Variants in SFRP2 observed in about 807,000 individuals in gnomAD.
SFRP2 encodes the protein secreted frizzled-related protein 2.
Under a neutral mutation model 26.0 loss-of-function variants are expected in SFRP2, and 16 were observed. The ratio of observed to expected loss-of-function variants is 0.61; its 90% CI spans 0.42 to 0.93. SFRP2 has a LOEUF of 0.93. Among genes scored for constraint, SFRP2 ranks in the 40% least tolerant of loss-of-function variants. The pLI, the probability that SFRP2 is intolerant of heterozygous loss-of-function variation, is 0.00. For synonymous variants in SFRP2, 173 were observed against 167.3 expected (o/e 1.03, Z -0.26); for missense variants, 343 against 392.4 (o/e 0.87, Z 1.06).
chr4:153,782,181 C>T (rs1262515212), intron 2 of SFRP2, among the ~76,000 whole-genome samples: 1 of 152,190 alleles, frequency 6.6e-6, no homozygotes, highest in Admixed American at 6.5e-5. Flanking sequence ...AAAGTTTAAA[C>T]TCAATTTATT....
Position 153,788,846 on chromosome 4 carries a change from C to A in SFRP2, c.-11G>T. On this transcript the variant is annotated 5_prime_UTR_variant, in exon 1 of 3. Coordinates refer to ENST00000274063, the MANE Select transcript of SFRP2 (RefSeq NM_003013.3). Reference sequence around the variant, plus strand: ...AGGGCCCTGCAGCATCGTGGGCGCGCGACCCCGAGGGGGCAGAGGGAGCGG... The same window carrying A: ...AGGGCCCTGCAGCATCGTGGGCGCGAGACCCCGAGGGGGCAGAGGGAGCGG... 1.3e-6 allele frequency: 2 copies of A among 1,574,392 alleles called. No homozygotes were observed. Among genetic ancestry groups the A allele is most frequent in the African/African-American group, 1.3e-5 (1 of 74,322 alleles).
rs753164723 is a variant in SFRP2 at position 153,788,640 on chromosome 4, G to A, written c.196C>T (p.His66Tyr). Reference protein sequence around the residue: ...QNMRLPNLLGHETMKEVLEQA... With the variant: ...QNMRLPNLLGYETMKEVLEQA... ...TCCAGCACCTCCTTCATGGTCTCGT[G>A]GCCCAGCAGGTTGGGCAGCCGCATG... Residue 66 changes from histidine (H) to tyrosine (Y), a missense_variant, in exon 1 of 3, where the codon CAC (histidine) becomes TAC (tyrosine). By Grantham distance (83) the His-to-Tyr change is moderately conservative. Around this residue, in one of 2 missense-constraint regions of SFRP2, gnomAD observed 251 missense variants for 253.3 expected, o/e 0.99. Coordinates refer to ENST00000274063, the MANE Select transcript of SFRP2 (RefSeq NM_003013.3). The A allele has an allele frequency of 6.2e-7, 1 of 1,614,162 alleles. No individual in the cohort carries two copies. The highest frequency in any genetic ancestry group is 8.5e-7 in the Non-Finnish European group (1 of 1,180,032).
chr4:153,784,402 T>C (rs1457551494), intron 2 of SFRP2, among the ~76,000 whole-genome samples: 1 of 152,220 alleles, frequency 6.6e-6, no homozygotes, highest in Non-Finnish European at 1.5e-5. Flanking sequence ...AACAGGCATA[T>C]GAAACCCCGT....
Position 153,786,051 on chromosome 4 carries a change from C to G in SFRP2, c.503-107G>C. On this transcript the variant is annotated intron_variant, in intron 1 of 2. Coordinates refer to ENST00000274063, the MANE Select transcript of SFRP2 (RefSeq NM_003013.3). ...TATCCAGACAAAAGTAGCAATTGTC[C>G]TATTTAACCTCAGCTTCTGCCTCCT... is the stretch of plus-strand genomic sequence containing the variant. 5.4e-6 allele frequency: 3 copies of G among 552,720 alleles called. No individual in the cohort carries two copies. The East Asian group carries it at 1.0e-4, about 19-fold the overall frequency. The allele number at this position is 552,720 out of a possible 1,614,324, so 34.2% of individuals were successfully genotyped here.
chr4:153,781,102 A>T lies in SFRP2; in HGVS notation c.*349T>A. The stretch of plus-strand genomic sequence containing the variant: ...GGGAAGTGAAAATCAGCTGACTCAA[A>T]ACAACAAACAACAACCAACCAGACC... On this transcript the variant is annotated 3_prime_UTR_variant, in exon 3 of 3. Coordinates refer to ENST00000274063, the MANE Select transcript of SFRP2 (RefSeq NM_003013.3). 4.6e-6 allele frequency: 1 copy of T among 215,304 alleles called. No individual in the cohort carries two copies. Among genetic ancestry groups the T allele is most frequent in the Non-Finnish European group, 9.2e-6 (1 of 108,622 alleles). The allele number at this position is 215,304 out of a possible 1,614,324, so 13.3% of individuals were successfully genotyped here.
chr4:153,786,680 C>T (rs1219737060), intron 1 of SFRP2, among the ~76,000 whole-genome samples: 2 of 152,110 alleles, frequency 1.3e-5, no homozygotes, highest in Non-Finnish European at 2.9e-5. Context: ...TCTTCTTGCC[C>T]TTCTGTGCCT....
At chr4:153,785,203 CT>C (rs1244391087) in intron 2 of SFRP2, among the ~76,000 whole-genome samples, 7 of 151,790 alleles carry the variant, frequency 4.6e-5, no homozygotes, top group African/African-American at 1.7e-4. Flanking sequence ...GCAAATGTGT[CT>C]AGACTTAGTC....
chr4:153,780,843 A>G lies in SFRP2; in HGVS notation c.*608T>C, dbSNP rs1360429654. The G allele has an allele frequency of 1.3e-5, 2 of 152,724 alleles. No homozygotes were observed. Among genetic ancestry groups the G allele is most frequent in the Non-Finnish European group, 2.9e-5 (2 of 68,094 alleles). The allele number at this position is 152,724 out of a possible 1,614,324, so 9.5% of individuals were successfully genotyped here. ...AAGAAATCATGCTATAGAAATGGTT[A>G]ATGTGCTTCTAATAAATGGAAGTAT... is the stretch of plus-strand genomic sequence containing the variant. On this transcript the variant is annotated 3_prime_UTR_variant, in exon 3 of 3. Coordinates refer to ENST00000274063, the MANE Select transcript of SFRP2 (RefSeq NM_003013.3).
rs1327186201 is a variant in SFRP2, at chr4:153,788,514, C to G, written c.322G>C (p.Asp108His). ...LFAPVCLDDL[D>H]ETIQPCHSLC... ...GAGTGGCATGGCTGGATGGTCTCGT[C>G]TAGGTCATCGAGGCAGACGGGGGCG... The change falls in exon 1 of 3, where the codon GAC becomes CAC. Residue 108 changes from aspartate (D) to histidine (H), a missense_variant. Coordinates refer to ENST00000274063, the MANE Select transcript of SFRP2 (RefSeq NM_003013.3). The G allele has an allele frequency of 2.5e-6, 4 of 1,614,054 alleles. No homozygotes were observed. The highest frequency in any genetic ancestry group is 3.3e-5 in the Admixed American group (2 of 60,000).
intron 1 of SFRP2, among the ~76,000 whole-genome samples, chr4:153,786,156 CA>C (rs1306696524): frequency 6.6e-6 from 1 of 152,072 alleles, no homozygotes; most frequent in African/African-American, 2.4e-5. Context: ...GTGGTGGGAG[CA>C]AAATGAGAAT....
chr4:153,789,019 T>A lies in SFRP2; in HGVS notation c.-184A>T, dbSNP rs1244229563. 9.3e-6 allele frequency: 5 copies of A among 538,214 alleles called. No individual in the cohort carries two copies. The highest frequency in any genetic ancestry group is 1.5e-5 in the Non-Finnish European group (5 of 339,332). The allele number at this position is 538,214 out of a possible 1,614,324, so 33.3% of individuals were successfully genotyped here. The stretch of plus-strand genomic sequence containing the variant: ...CGGGAGGACAGCGCGGGCGAGGCGC[T>A]GCAAGCCCGCGCGCAGCTCCGGGGG... On this transcript the variant is annotated 5_prime_UTR_variant, in exon 1 of 3. Transcript: ENST00000274063.
intron 2 of SFRP2, among the ~76,000 whole-genome samples, chr4:153,783,968 CT>C (rs1741160489): frequency 6.6e-6 from 1 of 152,142 alleles, no homozygotes; most frequent in Non-Finnish European, 1.5e-5. Flanking sequence ...GGCTTTCTCT[CT>C]GTAAGGAGGG....
intron 2 of SFRP2, among the ~76,000 whole-genome samples, chr4:153,783,569 C>T (rs1215831307): frequency 6.6e-6 from 1 of 152,134 alleles, no homozygotes; most frequent in Non-Finnish European, 1.5e-5. Context: ...GATGTGATCG[C>T]AGGCAGAGGT....
intron 2 of SFRP2, among the ~76,000 whole-genome samples, chr4:153,781,962 G>A (rs780009749): frequency 1.3e-5 from 2 of 152,094 alleles, no homozygotes; most frequent in Non-Finnish European, 2.9e-5. Flanking sequence ...CATTTGCCAG[G>A]CACTTGGTTT....
rs777535378 is a variant in SFRP2 at position 153,788,843 on chromosome 4, G to T, written c.-8C>A. ...GCCAGGGCCCTGCAGCATCGTGGGC[G>T]CGCGACCCCGAGGGGGCAGAGGGAG... is the stretch of plus-strand genomic sequence containing the variant. On this transcript the variant is annotated 5_prime_UTR_variant, in exon 1 of 3. Transcript: ENST00000274063. 6.3e-7 allele frequency: 1 copy of T among 1,577,162 alleles called. No homozygotes were observed. The highest frequency in any genetic ancestry group is 8.6e-7 in the Non-Finnish European group (1 of 1,167,958).
In SFRP2 at chr4:153,781,371, G is replaced by A. The variant is rs1741117908; in HGVS notation, c.*80C>T. The A allele has an allele frequency of 7.5e-7, 1 of 1,329,552 alleles. No individual in the cohort carries two copies. Among genetic ancestry groups the A allele is most frequent in the Middle Eastern group, 2.6e-4 (1 of 3,838 alleles). The allele number at this position is 1,329,552 out of a possible 1,614,324, so 82.4% of individuals were successfully genotyped here. ...TGGAGCAGCTAGGAGTGTGCTTGGG[G>A]AACGGGAGCTGAGATCCCGGAGCAG... On this transcript the variant is annotated 3_prime_UTR_variant, in exon 3 of 3. Coordinates refer to ENST00000274063, the MANE Select transcript of SFRP2 (RefSeq NM_003013.3).
chr4:153,787,564 A>C (rs1366453750), intron 1 of SFRP2, among the ~76,000 whole-genome samples: 1 of 152,218 alleles, frequency 6.6e-6, no homozygotes, highest in Non-Finnish European at 1.5e-5. Flanking sequence ...TGGTTTTTGC[A>C]CAGGAACTCT....
Position 153,782,982 on chromosome 4 carries a change from C to CTT in SFRP2, c.584-1229_584-1228dup, listed in dbSNP as rs199676638. Among the ~76,000 whole-genome samples, 583 of 139,666 alleles carry CTT rather than the reference C, an allele frequency of 4.2e-3. 3 individuals are homozygous for CTT. Among genetic ancestry groups the CTT allele is most frequent in the Middle Eastern group, 0.015 (4 of 262 alleles). 91.6% of individuals were successfully genotyped at this position (139,666 alleles called of 152,430 possible). A position where few individuals can be genotyped will look rare whatever the true frequency, so the allele number is the denominator to read the frequency against. ...TGCGTACAACTGTTTTTGAGATTTT[C>CTT]TTTTTTTTTTTTTTAAATATCAGAA... is the stretch of plus-strand genomic sequence containing the variant. On this transcript the variant is annotated intron_variant, in intron 2 of 2. Coordinates refer to ENST00000274063, the MANE Select transcript of SFRP2 (RefSeq NM_003013.3).
Position 153,788,485 on chromosome 4 carries a change from G to A in SFRP2, c.351C>T (p.Leu117=), listed in dbSNP as rs1448679818. ...CGCAGCGGTCCTTCACCTGCACGCA[G>A]AGCGAGTGGCATGGCTGGATGGTCT... is the stretch of plus-strand genomic sequence containing the variant. The part of the protein sequence containing the change: ...LDETIQPCHS[L]CVQVKDRCAP... The change falls in exon 1 of 3, where the codon CTC becomes CTT. Residue 117 remains leucine (L), a synonymous_variant. Transcript: ENST00000274063. 6.2e-7 allele frequency: 1 copy of A among 1,614,252 alleles called. No homozygotes were observed. The highest frequency in any genetic ancestry group is 1.7e-5 in the Admixed American group (1 of 60,034).
Sources: allele counts gnomAD v4.1 joint callset (sites outside exome capture counted in the v4.1 genomes callset), GRCh38; gene constraint gnomAD v4.1.1; regional missense constraint gnomAD v4.1.1; transcripts MANE v1.5; gene names NCBI Gene and HGNC (gene_info 2026-07-23, HGNC 2026-07-21).